TMEM117: variants seen among roughly 807,000 people sequenced by gnomAD.
TMEM117 encodes the protein transmembrane protein 117.
Under a neutral mutation model 52.4 loss-of-function variants are expected in TMEM117, and 27 were observed. That is an observed-to-expected ratio of 0.51 (90% CI 0.38 to 0.71). The LOEUF (loss-of-function observed/expected upper bound fraction) is 0.71, where lower values mean the gene tolerates loss of function less well. Among genes scored for constraint, TMEM117 ranks in the 30% least tolerant of loss-of-function variants. The pLI, the probability that TMEM117 is intolerant of heterozygous loss-of-function variation, is 0.00. For synonymous variants in TMEM117, 215 were observed against 206.3 expected (o/e 1.04, Z -0.36); for missense variants, 556 against 630.5 (o/e 0.88, Z 1.26).
chr12:44,038,066 C>T (rs1193000558), intron 3 of TMEM117, among the ~76,000 whole-genome samples: 3 of 152,174 alleles, frequency 2.0e-5, no homozygotes, highest in Non-Finnish European at 4.4e-5. Context: ...TTATCTTGCT[C>T]ACCTTCCACT....
intron 5 of TMEM117, among the ~76,000 whole-genome samples, chr12:44,222,638 G>T (rs537035682): frequency 6.6e-6 from 1 of 152,172 alleles, no homozygotes; most frequent in East Asian, 1.9e-4. Flanking sequence ...GCTGCCTCTA[G>T]GTGGAAGGGA....
intron 2 of TMEM117, among the ~76,000 whole-genome samples, chr12:43,908,737 A>G (rs1944437650): frequency 6.6e-6 from 1 of 152,142 alleles, no homozygotes; most frequent in Non-Finnish European, 1.5e-5. Flanking sequence ...AAAAAGATCA[A>G]AACAGACAAA....
At chr12:44,329,072 T>A (rs1951233879) in intron 6 of TMEM117, among the ~76,000 whole-genome samples, 1 of 151,916 alleles carries the variant, frequency 6.6e-6, no homozygotes, top group Non-Finnish European at 1.5e-5. Flanking sequence ...ACACCTTCCA[T>A]CTTATTGCAG....
the TMEM117 span, chr12:43,806,273 G>A: frequency 1.3e-6 from 2 of 1,513,782 alleles, no homozygotes; most frequent in East Asian, 2.7e-5. Flanking sequence ...CCCGGCTCCG[G>A]CGCTGAGTGC....
chr12:44,053,507 T>C (rs527603597), intron 3 of TMEM117, among the ~76,000 whole-genome samples: 6 of 152,308 alleles, frequency 3.9e-5, no homozygotes, highest in African/African-American at 1.4e-4. Flanking sequence ...ATGGATATAA[T>C]TGGTTAAATC....
intron 4 of TMEM117, among the ~76,000 whole-genome samples, chr12:44,180,916 A>G (rs1949188363): frequency 1.3e-5 from 2 of 151,928 alleles, no homozygotes; most frequent in South Asian, 4.2e-4. Flanking sequence ...TAGATCCCTG[A>G]GGAATCGCCA....
At chr12:44,261,685 T>G (rs1456688441) in intron 5 of TMEM117, among the ~76,000 whole-genome samples, 1 of 152,206 alleles carries the variant, frequency 6.6e-6, no homozygotes, top group African/African-American at 2.4e-5. Context: ...GCTGTTGCTA[T>G]TATGACATTT....
intron 5 of TMEM117, among the ~76,000 whole-genome samples, chr12:44,286,761 A>C (rs1300991591): frequency 6.6e-6 from 1 of 152,234 alleles, no homozygotes; most frequent in Non-Finnish European, 1.5e-5. Flanking sequence ...CTCTAATCCC[A>C]TATATAATAA....
At chr12:44,346,916 G>A (rs1173871591) in intron 6 of TMEM117, among the ~76,000 whole-genome samples, 1 of 152,080 alleles carries the variant, frequency 6.6e-6, no homozygotes, top group Non-Finnish European at 1.5e-5. Context: ...ATGCTCTTCT[G>A]AGGGATGCGC....
chr12:43,979,174 T>A (rs1434159682), intron 3 of TMEM117, among the ~76,000 whole-genome samples: 1 of 152,058 alleles, frequency 6.6e-6, no homozygotes, highest in Middle Eastern at 3.4e-3. Context: ...AAGTTGCTAG[T>A]ATTTAACCTT....
intron 6 of TMEM117, among the ~76,000 whole-genome samples, chr12:44,360,806 A>G (rs1205721795): frequency 1.3e-5 from 2 of 152,180 alleles, no homozygotes; most frequent in Non-Finnish European, 2.9e-5. Flanking sequence ...ACTGTTCTCA[A>G]TAATATTCTT....
chr12:44,269,858 T>C (rs1229156497), intron 5 of TMEM117, among the ~76,000 whole-genome samples: 1 of 152,004 alleles, frequency 6.6e-6, no homozygotes, highest in Non-Finnish European at 1.5e-5. Context: ...AGAAATCTGG[T>C]TTTGTGGATT....
intron 5 of TMEM117, among the ~76,000 whole-genome samples, chr12:44,225,796 A>G (rs1425956603): frequency 6.6e-6 from 1 of 152,166 alleles, no homozygotes; most frequent in Non-Finnish European, 1.5e-5. Flanking sequence ...CTATGGAAGT[A>G]TTATTTAACA....
the TMEM117 span, among the ~76,000 whole-genome samples, chr12:43,811,182 A>G: frequency 6.6e-6 from 1 of 152,196 alleles, no homozygotes; most frequent in African/African-American, 2.4e-5. Flanking sequence ...ATTAAATTTC[A>G]ACCAATGATA....
intron 3 of TMEM117, among the ~76,000 whole-genome samples, chr12:44,096,410 A>G (rs1274644800): frequency 1.3e-5 from 2 of 152,068 alleles, no homozygotes; most frequent in Non-Finnish European, 2.9e-5. Flanking sequence ...CGCCAAGTCA[A>G]TCCTAAGCCA....
At chr12:44,280,770 A>C (rs1033610579) in intron 5 of TMEM117, among the ~76,000 whole-genome samples, 1 of 148,640 alleles carries the variant, frequency 6.7e-6, no homozygotes, top group African/African-American at 2.5e-5. Context: ...AAGCAATCCT[A>C]TTTTCCAATC....
chr12:44,179,859 C>T (rs568602280), intron 4 of TMEM117, among the ~76,000 whole-genome samples: 37 of 152,150 alleles, frequency 2.4e-4, no homozygotes, highest in Non-Finnish European at 5.1e-4. Flanking sequence ...CCAAATATTT[C>T]AGTGCTATAT....
At chr12:43,818,284 C>T in the TMEM117 span, among the ~76,000 whole-genome samples, 1 of 152,142 alleles carries the variant, frequency 6.6e-6, no homozygotes, top group Admixed American at 6.5e-5. Context: ...TAAGTACTGA[C>T]ATTTTTTCCT....
intron 2 of TMEM117, among the ~76,000 whole-genome samples, chr12:43,943,460 T>G (rs181969534): frequency 1.9e-4 from 29 of 152,294 alleles, no homozygotes; most frequent in African/African-American, 7.0e-4. Context: ...TATTAGTAAT[T>G]TTTACTTTAG....
Sources: allele counts gnomAD v4.1 joint callset (sites outside exome capture counted in the v4.1 genomes callset), GRCh38; gene constraint gnomAD v4.1.1; transcripts MANE v1.5; gene names NCBI Gene and HGNC (gene_info 2026-07-23, HGNC 2026-07-21).